The following SGIP1 variants were observed in gnomAD, a reference collection of about 807,000 sequenced individuals.
SGIP1 encodes the protein SH3GL interacting endocytic adaptor 1, also known as SH3-containing GRB2-like protein 3-interacting protein 1.
A neutral mutation model predicts 107.5 loss-of-function variants in SGIP1; 38 were observed. That is an observed-to-expected ratio of 0.35 (90% CI 0.27 to 0.46). The LOEUF is 0.46. Ranked by LOEUF, SGIP1 falls within the 20% of genes least tolerant of loss-of-function variation. The pLI is 1.00. For missense variants in SGIP1, 929 were observed against 1,019.5 expected, an observed-to-expected ratio of 0.91 and a Z score of 1.21; for synonymous variants, 365 against 366.1, an observed-to-expected ratio of 1.00 and a Z score of 0.03.
chr1:66,636,063 C>T (rs1400363165), intron 4 of SGIP1, 48 bp downstream of exon 4: 1 of 1,549,154 alleles, frequency 6.5e-7, no homozygotes, highest in Non-Finnish European at 8.9e-7. Context: ...TTATAAAAAA[C>T]AGTGAGTAAA....
At chr1:66,626,546 C>A (rs1457050096) in intron 2 of SGIP1, among the ~76,000 whole-genome samples, 2 of 152,210 alleles carry the variant, frequency 1.3e-5, no homozygotes, top group Non-Finnish European at 2.9e-5. Flanking sequence ...TGTGCAATGA[C>A]ATAACAGTTT....
chr1:66,630,125 C>T (rs920075280), intron 2 of SGIP1, among the ~76,000 whole-genome samples: 2 of 152,108 alleles, frequency 1.3e-5, no homozygotes, highest in African/African-American at 4.8e-5. Context: ...TTCCATCAGT[C>T]GAGAAGACAA....
chr1:66,550,877 A>G (rs1167428550), intron 1 of SGIP1, among the ~76,000 whole-genome samples: 2 of 152,132 alleles, frequency 1.3e-5, no homozygotes, highest in African/African-American at 2.4e-5. Context: ...ACACTGATCT[A>G]TCTGATTCTC....
chr1:66,744,371 AATCTGG>A lies in SGIP1; in HGVS notation c.*1277_*1282del, dbSNP rs1271310745. On this transcript the variant is annotated 3_prime_UTR_variant, in exon 25 of 25. Transcript: ENST00000371037. Reference sequence around the variant, plus strand: ...GGTATAATAAAAACTGTAATTATTCAATCTGGCCCTGCCATATGAACATTTAGAAAG... The same window carrying A: ...GGTATAATAAAAACTGTAATTATTCACCCTGCCATATGAACATTTAGAAAG... 1 of 152,146 alleles carries A rather than the reference AATCTGG, an allele frequency of 6.6e-6. No individual in the cohort carries two copies. The highest frequency in any genetic ancestry group is 1.5e-5 in the Non-Finnish European group (1 of 67,950). The allele number at this position is 152,146 out of a possible 1,614,324, so 9.4% of individuals were successfully genotyped here. A position where few individuals can be genotyped will look rare whatever the true frequency, so the allele number is the denominator to read the frequency against.
Position 66,729,278 on chromosome 1 carries a change from T to C in SGIP1, c.1757T>C (p.Ile586Thr). The change falls in exon 20 of 25, where the codon ATT becomes ACT. Residue 586 changes from isoleucine to threonine, a missense_variant. By Grantham distance (89) the Ile-to-Thr change is moderately conservative. Around this residue, in one of 2 missense-constraint regions of SGIP1, gnomAD observed 341 missense variants for 430.9 expected, o/e 0.79. Transcript: ENST00000371037. The stretch of plus-strand genomic sequence containing the variant: ...TGATATGCCAGATGTATCGTTAAGA[T>C]TACCGGAGAAATGGTGTTGTCATTT... ...GADPSKCIVK[I>T]TGEMVLSFPA... 1 of 1,614,100 alleles carries C rather than the reference T, an allele frequency of 6.2e-7. No homozygotes were observed. The highest frequency in any genetic ancestry group is 8.5e-7 in the Non-Finnish European group (1 of 1,179,990).
intron 1 of SGIP1, among the ~76,000 whole-genome samples, chr1:66,557,380 A>T (rs1044518202): frequency 1.3e-5 from 2 of 152,268 alleles, no homozygotes; most frequent in East Asian, 3.9e-4. Context: ...CAAAAGGTTA[A>T]TTGGATGTGA....
At chr1:66,574,531 G>A (rs1463236922) in intron 1 of SGIP1, among the ~76,000 whole-genome samples, 1 of 152,108 alleles carries the variant, frequency 6.6e-6, no homozygotes, top group Non-Finnish European at 1.5e-5. Context: ...AGAACAATTA[G>A]ATTGTTTTTG....
intron 16 of SGIP1, 65 bp downstream of exon 16, chr1:66,689,340 C>A: frequency 1.3e-6 from 2 of 1,567,328 alleles, no homozygotes; most frequent in South Asian, 1.2e-5. Flanking sequence ...GCTCCAAATG[C>A]CTTCAGGTCT....
At position 66,595,291 on chromosome 1, in the gene SGIP1, G is replaced by T. The variant is rs1274912223; in HGVS notation, c.11-30556G>T. The stretch of plus-strand genomic sequence containing the variant: ...GTGGCAGACATCAAGTGTCAACTGG[G>T]TTCTCTTCCTGCTGAGCCTGAACTC... On this transcript the variant is annotated intron_variant, in intron 1 of 24. Transcript: ENST00000371037. 2.0e-5 allele frequency among the ~76,000 whole-genome samples: 3 copies of T among 151,804 alleles called. No individual in the cohort carries two copies. The East Asian group carries it at 5.8e-4, about 29-fold the overall frequency.
At chr1:66,596,392 A>G (rs921741745) in intron 1 of SGIP1, among the ~76,000 whole-genome samples, 1 of 152,066 alleles carries the variant, frequency 6.6e-6, no homozygotes, top group Non-Finnish European at 1.5e-5. Flanking sequence ...GGGACCTTTT[A>G]TGGGCTCAGA....
rs2075131454 is a variant in SGIP1, at chr1:66,633,163, G to C, written c.99+69G>C. The C allele has an allele frequency of 3.7e-6, 4 of 1,095,734 alleles. No individual in the cohort carries two copies. The African/African-American group carries it at 4.8e-5, about 13-fold the overall frequency. The allele number at this position is 1,095,734 out of a possible 1,614,324, so 67.9% of individuals were successfully genotyped here. On this transcript the variant is annotated intron_variant, in intron 3 of 24. Transcript: ENST00000371037. ...ATATGCTATGTTTAAATTTCTCAAA[G>C]CCCTTTTTTTTTCCTGTAGGGAAAA...
chr1:66,620,864 C>T (rs12131306), intron 1 of SGIP1, among the ~76,000 whole-genome samples: 22,597 of 152,208 alleles, frequency 0.15, 2,205 homozygotes, highest in East Asian at 0.46. Context: ...CCTAACAAAC[C>T]GCCTTCACAG....
chr1:66,610,349 C>A (rs141499842), intron 1 of SGIP1, among the ~76,000 whole-genome samples: 53 of 152,264 alleles, frequency 3.5e-4, no homozygotes, highest in African/African-American at 1.2e-3. Context: ...TTTAATGAAG[C>A]AAGTTGGTAA....
chr1:66,674,558 A>C (rs935596129), intron 12 of SGIP1, among the ~76,000 whole-genome samples: 1 of 152,248 alleles, frequency 6.6e-6, no homozygotes, highest in South Asian at 2.1e-4. Flanking sequence ...ACTAAGCTAC[A>C]TTAACAAAGA....
rs530557461 is a variant in SGIP1 at position 66,702,582 on chromosome 1, CA to C, written c.1630+7091del. ...TTAAAGAAGAATGAAAGGAAGAGAC[CA>C]AGAAGGTATTGCATCCAAGATGCAT... On this transcript the variant is annotated intron_variant, in intron 18 of 24. Coordinates refer to ENST00000371037, the MANE Select transcript of SGIP1 (RefSeq NM_032291.4). Among the ~76,000 whole-genome samples, 13 of 152,108 alleles carry C rather than the reference CA, an allele frequency of 8.5e-5. No individual in the cohort carries two copies. The East Asian group carries it at 2.5e-3, about 29-fold the overall frequency.
chr1:66,601,784 C>T (rs72679015), intron 1 of SGIP1, among the ~76,000 whole-genome samples: 20,218 of 151,964 alleles, frequency 0.13, 1,375 homozygotes, highest in African/African-American at 0.14. Context: ...CTTTTTTTAC[C>T]GCATTCAATT....
chr1:66,583,686 C>T (rs756829595), intron 1 of SGIP1, among the ~76,000 whole-genome samples: 3 of 152,244 alleles, frequency 2.0e-5, no homozygotes, highest in Admixed American at 6.5e-5. Flanking sequence ...TTCCCTCCTA[C>T]ATCCGAATTA....
chr1:66,661,149 T>A (rs1399176907), intron 8 of SGIP1, among the ~76,000 whole-genome samples: 2 of 152,206 alleles, frequency 1.3e-5, no homozygotes, highest in East Asian at 3.8e-4. Flanking sequence ...TCGTTTTATT[T>A]TAGAGCAACA....
chr1:66,672,529 C>A (rs1055501947), intron 11 of SGIP1, among the ~76,000 whole-genome samples: 1 of 152,168 alleles, frequency 6.6e-6, no homozygotes, highest in South Asian at 2.1e-4. Flanking sequence ...TATTTTCAAT[C>A]TTTATCCTCC....
Sources: allele counts gnomAD v4.1 joint callset (sites outside exome capture counted in the v4.1 genomes callset), GRCh38; gene constraint gnomAD v4.1.1; regional missense constraint gnomAD v4.1.1; transcripts MANE v1.5; gene names NCBI Gene and HGNC (gene_info 2026-07-23, HGNC 2026-07-21).